Variants in PITPNC1 observed in about 807,000 individuals in gnomAD.
PITPNC1 encodes the protein cytoplasmic phosphatidylinositol transfer protein 1.
Under a neutral mutation model 44.7 loss-of-function variants are expected in PITPNC1, and 18 were observed. That is an observed-to-expected ratio of 0.40 (90% CI 0.28 to 0.60). The LOEUF is 0.60. Among genes scored for constraint, PITPNC1 ranks in the 20% least tolerant of loss-of-function variants. The pLI is 0.39. For missense variants in PITPNC1, 290 were observed against 418.4 expected (o/e 0.69, Z 2.68); for synonymous variants, 141 against 149.6 (o/e 0.94, Z 0.42).
chr17:67,598,719 G>A lies in PITPNC1; in HGVS notation c.366+20462G>A, dbSNP rs755465610. Among the ~76,000 whole-genome samples the A allele has an allele frequency of 2.9e-4, 44 of 151,616 alleles. 1 individual carries two copies. The highest frequency in any genetic ancestry group is 6.0e-4 in the Non-Finnish European group (41 of 67,924). On this transcript the variant is annotated intron_variant, in intron 5 of 8. Transcript: ENST00000581322. ...AGCCTGGCCAACATGGTGAAACCCC[G>A]TCTCTACAAAAAAATACAAAAAAAT...
chr17:67,646,357 C>T (rs148264283), intron 6 of PITPNC1, among the ~76,000 whole-genome samples: 183 of 152,164 alleles, frequency 1.2e-3, no homozygotes, highest in African/African-American at 4.0e-3. Flanking sequence ...CCAAAAATAC[C>T]CAAGAAAGAA....
At chr17:67,492,703 GATTT>G (rs1457489202) in intron 1 of PITPNC1, among the ~76,000 whole-genome samples, 1 of 152,170 alleles carries the variant, frequency 6.6e-6, no homozygotes, top group Non-Finnish European at 1.5e-5. Flanking sequence ...CTACTGTCCT[GATTT>G]CTAACGCCGG....
At chr17:67,404,840 G>A (rs2038371846) in intron 1 of PITPNC1, among the ~76,000 whole-genome samples, 1 of 151,774 alleles carries the variant, frequency 6.6e-6, no homozygotes, top group African/African-American at 2.4e-5. Flanking sequence ...TGGGTTGCTT[G>A]TAGGATTATG....
chr17:67,609,408 G>A (rs1405200237), intron 5 of PITPNC1, among the ~76,000 whole-genome samples: 3 of 150,914 alleles, frequency 2.0e-5, no homozygotes, highest in African/African-American at 4.9e-5. Flanking sequence ...TCCTGCCTCA[G>A]CCTCCCAAGT....
Position 67,466,208 on chromosome 17 carries a change from G to A in PITPNC1, c.49-66594G>A, listed in dbSNP as rs904140014. Among the ~76,000 whole-genome samples, 11 of 134,618 alleles carry A rather than the reference G, an allele frequency of 8.2e-5. No individual in the cohort carries two copies. The East Asian group carries it at 1.6e-3, about 20-fold the overall frequency. The allele number at this position is 134,618 out of a possible 152,430, so 88.3% of individuals were successfully genotyped here. A position where few individuals can be genotyped will look rare whatever the true frequency, so the allele number is the denominator to read the frequency against. ...TAGAGATGGTGGGGTGGGGGGGTGG[G>A]GGGGGGCGCGTCTCACGATGTTGTC... is the stretch of plus-strand genomic sequence containing the variant. On this transcript the variant is annotated intron_variant, in intron 1 of 8. Transcript: ENST00000581322.
At chr17:67,679,005 C>A (rs985310582) in intron 8 of PITPNC1, among the ~76,000 whole-genome samples, 1 of 152,220 alleles carries the variant, frequency 6.6e-6, no homozygotes, top group African/African-American at 2.4e-5. Context: ...AGGCCCCACC[C>A]CAAACCTACT....
intron 4 of PITPNC1, among the ~76,000 whole-genome samples, chr17:67,559,105 G>C (rs2040875102): frequency 6.6e-6 from 1 of 152,148 alleles, no homozygotes; most frequent in Non-Finnish European, 1.5e-5. Context: ...GAGCTGATAG[G>C]TGCTGTGTTT....
At chr17:67,598,076 G>T (rs1334753717) in intron 5 of PITPNC1, among the ~76,000 whole-genome samples, 1 of 152,022 alleles carries the variant, frequency 6.6e-6, no homozygotes, top group African/African-American at 2.4e-5. Flanking sequence ...ACAAAAATTA[G>T]CTGGGAGTAG....
chr17:67,647,462 GGGTTTTTTTT>G (rs1468933626), intron 6 of PITPNC1, among the ~76,000 whole-genome samples: 10 of 96,244 alleles, frequency 1.0e-4, no homozygotes, highest in African/African-American at 1.6e-4. Context: ...AGCTAATTTT[GGGTTTTTTTT>G]TTTTTTTTTT....
chr17:67,644,640 G>A (rs140835632), intron 6 of PITPNC1, among the ~76,000 whole-genome samples: 2,462 of 151,994 alleles, frequency 0.016, 119 homozygotes, highest in Admixed American at 0.093. Flanking sequence ...TCACCACGTT[G>A]GTCAGGCTGC....
intron 1 of PITPNC1, among the ~76,000 whole-genome samples, chr17:67,425,675 C>A (rs1346369922): frequency 1.3e-5 from 2 of 148,504 alleles, no homozygotes. Flanking sequence ...GCACACACCA[C>A]CACGCTTGGC....
intron 1 of PITPNC1, among the ~76,000 whole-genome samples, chr17:67,472,332 TAAAAAAAAAAAAAAAAAAAAAA>T (rs751090662): frequency 2.4e-4 from 10 of 41,364 alleles, no homozygotes; most frequent in African/African-American, 1.1e-3. Context: ...GCTGTTGAGC[TAAAAAAAAAAAAAAAAAAAAAA>T]AAAAAAAAAA....
At chr17:67,397,197 T>C (rs978771637) in intron 1 of PITPNC1, among the ~76,000 whole-genome samples, 3 of 152,098 alleles carry the variant, frequency 2.0e-5, no homozygotes, top group Admixed American at 6.5e-5. Context: ...GCCAGGCTGG[T>C]CTCGAACTCC....
Position 67,632,221 on chromosome 17 carries a change from T to C in PITPNC1, c.445T>C (p.Tyr149His). ...TGCCTGCGATGAAATTCCAGAGCGC[T>C]ACTACAAAGAATCTGAGGTAAGCAA... ...DIACDEIPER[Y>H]YKESEDPKHF... The change falls in exon 6 of 9, where the codon TAC (tyrosine) becomes CAC (histidine). Residue 149 changes from tyrosine to histidine, a missense_variant. Tyr to His is a moderately conservative substitution (Grantham distance 83). Coordinates refer to ENST00000581322, the MANE Select transcript of PITPNC1 (RefSeq NM_012417.4). 6.2e-7 allele frequency: 1 copy of C among 1,605,080 alleles called. No individual in the cohort carries two copies. Among genetic ancestry groups the C allele is most frequent in the South Asian group, 1.1e-5 (1 of 90,898 alleles).
intron 1 of PITPNC1, among the ~76,000 whole-genome samples, chr17:67,432,370 C>T (rs186020862): frequency 0.012 from 1,862 of 152,234 alleles, 44 homozygotes; most frequent in African/African-American, 0.043. Context: ...CACCTGTAGT[C>T]CCAGCTACTC....
intron 2 of PITPNC1, among the ~76,000 whole-genome samples, chr17:67,537,304 A>G (rs1255126169): frequency 2.0e-5 from 3 of 152,246 alleles, no homozygotes; most frequent in African/African-American, 7.2e-5. Flanking sequence ...ATTGTCTGAT[A>G]GAAATTTCAG....
intron 1 of PITPNC1, 38 bp downstream of exon 1, chr17:67,378,240 G>A (rs1946070408): frequency 7.2e-7 from 1 of 1,379,780 alleles, no homozygotes; most frequent in Non-Finnish European, 9.5e-7. Context: ...CCCGCTCCGG[G>A]ACCCCCGCCG....
intron 1 of PITPNC1, among the ~76,000 whole-genome samples, chr17:67,510,701 T>G (rs1207809847): frequency 6.6e-6 from 1 of 151,994 alleles, no homozygotes; most frequent in Non-Finnish European, 1.5e-5. Flanking sequence ...GGGGTTCAAG[T>G]GATTCTCCTG....
chr17:67,511,187 A>T (rs2040180171), intron 1 of PITPNC1, among the ~76,000 whole-genome samples: 1 of 152,052 alleles, frequency 6.6e-6, no homozygotes, highest in African/African-American at 2.4e-5. Flanking sequence ...CTATTTCATG[A>T]TTTAATAGCT....
Sources: gnomAD v4.1 joint callset for allele counts (sites outside exome capture counted in the v4.1 genomes callset) on GRCh38, gnomAD v4.1.1 for gene constraint, MANE v1.5 for transcripts, NCBI Gene and HGNC (gene_info 2026-07-23, HGNC 2026-07-21) for gene names.